Variants in MICAL3 observed in about 807,000 individuals in gnomAD.
The protein encoded by MICAL3 is microtubule associated monooxygenase, calponin and LIM domain containing 3.
In MICAL3, 62 loss-of-function variants were observed where a neutral mutation model predicts 207.4. That is an observed-to-expected ratio of 0.30 (90% CI 0.24 to 0.37). The LOEUF (loss-of-function observed/expected upper bound fraction) is 0.37. Ranked by LOEUF, MICAL3 falls within the 10% of genes least tolerant of loss-of-function variation. The pLI, the probability that MICAL3 is intolerant of heterozygous loss-of-function variation, is 1.00. For synonymous variants in MICAL3, 1,077 were observed against 1,069.3 expected (o/e 1.01, Z -0.14); for missense variants, 2,368 against 2,635.6 (o/e 0.90, Z 2.22).
intron 21 of MICAL3, 87 bp from the exon 22 acceptor site, chr22:17,827,868 A>T (rs1310107568): frequency 1.4e-6 from 2 of 1,408,866 alleles, no homozygotes; most frequent in Non-Finnish European, 1.9e-6. Context: ...AAGAGAAGTT[A>T]CAGCATTGGC....
intron 31 of MICAL3, 26 bp from the exon 32 acceptor site, chr22:17,790,942 G>C: frequency 6.2e-7 from 1 of 1,613,184 alleles, no homozygotes; most frequent in South Asian, 1.1e-5. Context: ...GGCATGAGGT[G>C]AGGGGCCTGG....
In MICAL3 at chr22:17,885,895, T is replaced by C. The variant is rs768465858; in HGVS notation, c.2224A>G (p.Ile742Val). Residue 742 changes from isoleucine (I) to valine (V), a missense_variant, in exon 16 of 32, where the codon ATC becomes GTC. Physicochemically the swap from Ile to Val is conservative, Grantham distance 29. Coordinates refer to ENST00000441493, the MANE Select transcript of MICAL3 (RefSeq NM_015241.3). ...KFEENAPAQSIGIRRQGSMKK... is the reference protein window; with the variant it reads ...KFEENAPAQSVGIRRQGSMKK... ...GGGTTTACCTGTCTCCGTATGCCGA[T>C]GGACTGTGCGGGCGCATTCTCTTCA... 3.2e-5 allele frequency: 51 copies of C among 1,613,856 alleles called. No individual in the cohort carries two copies. The highest frequency in any genetic ancestry group is 8.3e-5 in the Admixed American group (5 of 60,014).
In MICAL3 at chr22:17,896,942, C is replaced by T. The variant is rs560965767; in HGVS notation, c.988G>A (p.Val330Met). The change falls in exon 8 of 32, where the codon GTG (valine) becomes ATG (methionine). Residue 330 changes from valine (V) to methionine (M), a missense_variant. Around this residue, in one of 4 missense-constraint regions of MICAL3, gnomAD observed 400 missense variants for 547.0 expected, o/e 0.73. Coordinates refer to ENST00000441493, the MANE Select transcript of MICAL3 (RefSeq NM_015241.3). The part of the protein sequence containing the change: ...DTELLLSREN[V>M]DQEALLSYAR... The stretch of plus-strand genomic sequence containing the variant: ...TAGCTGAGCAGAGCCTCCTGGTCCA[C>T]GTTTTCTCGGGAAAGCAGGAGCTCT... The T allele has an allele frequency of 1.4e-5, 22 of 1,613,850 alleles. No homozygotes were observed. The highest frequency in any genetic ancestry group is 4.4e-5 in the South Asian group (4 of 91,078).
intron 29 of MICAL3, among the ~76,000 whole-genome samples, chr22:17,807,072 G>C (rs1214827513): frequency 6.6e-6 from 1 of 152,222 alleles, no homozygotes; most frequent in African/African-American, 2.4e-5. Flanking sequence ...TCTTCCTGAA[G>C]GGCTTAAACC....
chr22:17,821,484 G>C lies in MICAL3; in HGVS notation c.3474C>G (p.Ile1158Met). 1.3e-6 allele frequency: 2 copies of C among 1,542,666 alleles called. No individual in the cohort carries two copies. The highest frequency in any genetic ancestry group is 1.7e-6 in the Non-Finnish European group (2 of 1,145,164). Residue 1158 changes from isoleucine to methionine, a missense_variant, in exon 25 of 32, where the codon ATC becomes ATG. Around this residue, in one of 4 missense-constraint regions of MICAL3, gnomAD observed 1,770 missense variants for 1,863.2 expected, o/e 0.95. Coordinates refer to ENST00000441493, the MANE Select transcript of MICAL3 (RefSeq NM_015241.3). ...ERGPSQATSP[I>M]RSPQESALLF... ...GAAGAGCTGATTCCTGGGGAGACCGGATGGGGCTGGTGGCTTGGGAGGGAC... is the reference window on the plus strand; with the variant it reads ...GAAGAGCTGATTCCTGGGGAGACCGCATGGGGCTGGTGGCTTGGGAGGGAC...
chr22:17,899,832 A>AG (rs1225101748), intron 6 of MICAL3, among the ~76,000 whole-genome samples: 1 of 152,226 alleles, frequency 6.6e-6, no homozygotes, highest in Non-Finnish European at 1.5e-5. Flanking sequence ...CAAAAAAAAA[A>AG]GAGGCTAACC....
intron 1 of MICAL3, among the ~76,000 whole-genome samples, chr22:17,917,134 C>T (rs1377090981): frequency 6.6e-6 from 1 of 151,922 alleles, no homozygotes; most frequent in African/African-American, 2.4e-5. Context: ...GGAGGATCCT[C>T]CCTCCCGTAG....
chr22:17,984,665 A>G (rs1398685254), intron 1 of MICAL3, among the ~76,000 whole-genome samples: 1 of 152,110 alleles, frequency 6.6e-6, no homozygotes, highest in East Asian at 1.9e-4. Context: ...GACTTCATGA[A>G]GCTTCCATTT....
intron 2 of MICAL3, among the ~76,000 whole-genome samples, chr22:17,905,158 G>A (rs1602190379): frequency 6.6e-6 from 1 of 152,310 alleles, no homozygotes; most frequent in South Asian, 2.1e-4. Context: ...CAAACGATAT[G>A]ACAATCAAAT....
intron 7 of MICAL3, 63 bp downstream of exon 7, chr22:17,899,385 C>A (rs1242919903): frequency 1.8e-6 from 2 of 1,087,676 alleles, no homozygotes; most frequent in Non-Finnish European, 2.8e-6. Context: ...TCAGACAATT[C>A]TTTCTCTTGG....
At position 17,827,720 on chromosome 22, in the gene MICAL3, G is replaced by A. The variant is rs369515234; in HGVS notation, c.3117C>T (p.Asp1039=). The A allele has an allele frequency of 2.7e-5, 42 of 1,575,206 alleles. No homozygotes were observed. Among genetic ancestry groups the A allele is most frequent in the East Asian group, 9.4e-5 (4 of 42,554 alleles). ...HAADPLEIQA[D]VHWTHIRERE... ...TCTCACGGATATGAGTCCAGTGCAC[G>A]TCAGCCTGGATCTCCAGAGGATCCG... The change falls in exon 22 of 32, where the codon GAC becomes GAT. Residue 1039 remains aspartate, a synonymous_variant. Transcript: ENST00000441493.
In MICAL3 at chr22:17,819,023, G is replaced by A; in HGVS notation, c.3638C>T (p.Pro1213Leu). 2 of 1,606,904 alleles carry A rather than the reference G, an allele frequency of 1.2e-6. No homozygotes were observed. The highest frequency in any genetic ancestry group is 1.7e-6 in the Non-Finnish European group (2 of 1,176,728). Residue 1213 changes from proline (P) to leucine (L), a missense_variant, in exon 26 of 32, where the codon CCC (proline) becomes CTC (leucine). Around this residue, in one of 4 missense-constraint regions of MICAL3, gnomAD observed 1,770 missense variants for 1,863.2 expected, o/e 0.95. Coordinates refer to ENST00000441493, the MANE Select transcript of MICAL3 (RefSeq NM_015241.3). ...LPKEKPKADA[P>L]SDLKAVHSPI... ...AGAGTGCACAGCTTTCAGATCCGAG[G>A]GGGCATCAGCTTTGGGCTTCTCTTT...
intron 1 of MICAL3, among the ~76,000 whole-genome samples, chr22:17,957,920 T>C (rs1265806174): frequency 1.3e-5 from 2 of 152,116 alleles, no homozygotes; most frequent in South Asian, 2.1e-4. Flanking sequence ...TGGAGTTTCT[T>C]AAGCGGCAAG....
intron 21 of MICAL3, among the ~76,000 whole-genome samples, chr22:17,828,183 T>C (rs1366273367): frequency 2.0e-5 from 3 of 152,220 alleles, no homozygotes; most frequent in African/African-American, 7.2e-5. Context: ...AAGGACCTGC[T>C]TTGTCCCTAG....
intron 1 of MICAL3, among the ~76,000 whole-genome samples, chr22:17,938,062 T>TAAAGATAGA (rs1569139445): frequency 1.3e-5 from 2 of 152,212 alleles, no homozygotes; most frequent in Non-Finnish European, 2.9e-5. Flanking sequence ...ATTTATTAAA[T>TAAAGATAGA]TTTTTTAAAG....
chr22:17,901,081 G>A, intron 5 of MICAL3, 84 bp from the exon 6 acceptor site: 1 of 1,348,914 alleles, frequency 7.4e-7, no homozygotes, highest in South Asian at 1.2e-5. Flanking sequence ...TGCTGATAAA[G>A]ACAACAGGGA....
chr22:17,889,999 A>T (rs1028244060), intron 12 of MICAL3, among the ~76,000 whole-genome samples: 1 of 152,158 alleles, frequency 6.6e-6, no homozygotes, highest in Admixed American at 6.5e-5. Context: ...ATCAGCTCTG[A>T]TCAATCTTAG....
intron 16 of MICAL3, 127 bp downstream of exon 16, chr22:17,885,751 G>A: frequency 4.1e-6 from 4 of 980,128 alleles, no homozygotes; most frequent in Non-Finnish European, 6.3e-6. Context: ...GTCAGGCGAG[G>A]GAAAGCCAGA....
chr22:17,886,943 G>A (rs9618157), intron 15 of MICAL3, among the ~76,000 whole-genome samples: 33,961 of 134,838 alleles, frequency 0.25, 5,433 homozygotes, highest in African/African-American at 0.46. Flanking sequence ...AGCCCAGATC[G>A]TGCCACTATA....
Sources: gnomAD v4.1 joint callset for allele counts (sites outside exome capture counted in the v4.1 genomes callset) on GRCh38, gnomAD v4.1.1 for gene constraint, gnomAD v4.1.1 regional missense constraint, MANE v1.5 for transcripts, NCBI Gene and HGNC (gene_info 2026-07-23, HGNC 2026-07-21) for gene names.